Variants in XKR6 observed in about 807,000 individuals in gnomAD.
The protein encoded by XKR6 is XK related 6, also known as XK-related protein 6.
In XKR6, 22 loss-of-function variants were observed where a neutral mutation model predicts 56.7. That is an observed-to-expected ratio of 0.39 (90% confidence interval 0.28 to 0.55). XKR6 has a LOEUF of 0.55. Ranked by LOEUF, XKR6 falls within the 20% of genes least tolerant of loss-of-function variation. The probability of loss-of-function intolerance (pLI) is 0.66; values close to 1 mark genes in which losing one functional copy is unlikely to be tolerated. For synonymous variants in XKR6, 524 were observed against 387.8 expected (o/e 1.35, Z -4.13); for missense variants, 852 against 889.0 (o/e 0.96, Z 0.53).
intron 2 of XKR6, among the ~76,000 whole-genome samples, chr8:10,900,505 C>T (rs916272365): frequency 2.0e-5 from 3 of 152,224 alleles, no homozygotes; most frequent in Non-Finnish European, 4.4e-5. Context: ...AACCTGTTAA[C>T]TGTTACAATG....
At chr8:10,997,524 T>C (rs932391783) in intron 1 of XKR6, among the ~76,000 whole-genome samples, 1 of 151,766 alleles carries the variant, frequency 6.6e-6, no homozygotes, top group Non-Finnish European at 1.5e-5. Flanking sequence ...TAGGAAAAAA[T>C]GATTAAGATG....
At chr8:10,909,513 A>G (rs1299769190) in intron 2 of XKR6, among the ~76,000 whole-genome samples, 1 of 152,162 alleles carries the variant, frequency 6.6e-6, no homozygotes, top group African/African-American at 2.4e-5. Context: ...CTAAGGGCAG[A>G]GCAGGGATTT....
intron 1 of XKR6, among the ~76,000 whole-genome samples, chr8:10,976,200 C>T (rs947056569): frequency 8.6e-5 from 13 of 151,994 alleles, no homozygotes; most frequent in South Asian, 6.2e-4. Context: ...GTGCCCCCCC[C>T]CAACCTCGCC....
intron 1 of XKR6, among the ~76,000 whole-genome samples, chr8:11,079,635 T>A (rs925225591): frequency 2.0e-5 from 3 of 152,208 alleles, no homozygotes; most frequent in Non-Finnish European, 2.9e-5. Context: ...CTTGGAATTG[T>A]GTTAGAAAGA....
At chr8:10,908,044 T>G (rs904394403) in intron 2 of XKR6, among the ~76,000 whole-genome samples, 5 of 152,200 alleles carry the variant, frequency 3.3e-5, no homozygotes, top group African/African-American at 1.2e-4. Context: ...AGTCACTGAT[T>G]TTCAACGCCT....
intron 1 of XKR6, among the ~76,000 whole-genome samples, chr8:11,129,754 A>G (rs937329074): frequency 3.3e-5 from 5 of 152,236 alleles, no homozygotes; most frequent in Non-Finnish European, 7.3e-5. Flanking sequence ...TGTGGGAAGG[A>G]GGACAGGGAA....
At chr8:11,053,910 T>C (rs1157533142) in intron 1 of XKR6, among the ~76,000 whole-genome samples, 1 of 151,936 alleles carries the variant, frequency 6.6e-6, no homozygotes, top group East Asian at 1.9e-4. Context: ...GTATACGGAG[T>C]TTTCAGCCAT....
chr8:11,195,362 T>C (rs1206578264), intron 1 of XKR6: 1 of 587,628 alleles, frequency 1.7e-6, no homozygotes, highest in Non-Finnish European at 3.0e-6. Context: ...ACTGCTAATA[T>C]CATGTTAAAT....
intron 1 of XKR6, among the ~76,000 whole-genome samples, chr8:11,068,287 T>C (rs1400243687): frequency 2.6e-5 from 4 of 152,090 alleles, no homozygotes; most frequent in Non-Finnish European, 5.9e-5. Context: ...GGGGCGGCTA[T>C]GGTCATCTTG....
At chr8:10,915,158 T>C (rs544101880) in intron 2 of XKR6, among the ~76,000 whole-genome samples, 1 of 152,388 alleles carries the variant, frequency 6.6e-6, no homozygotes, top group Non-Finnish European at 1.5e-5. Flanking sequence ...GCTTTGTTTA[T>C]TGCCCATCTC....
chr8:10,898,513 G>C lies in XKR6; in HGVS notation c.1365C>G (p.Ala455=). 1 of 1,614,040 alleles carries C rather than the reference G, an allele frequency of 6.2e-7. No homozygotes were observed. Among genetic ancestry groups the C allele is most frequent in the Non-Finnish European group, 8.5e-7 (1 of 1,180,036 alleles). ...YYTIVLTENA[A]LTFLWYFYRD... is the part of the protein sequence containing the mutation. ...TGTAAAAATACCAAAGGAACGTCAAGGCAGCATTCTCGGTCAAGACTATCG... is the reference window on the plus strand; with the variant it reads ...TGTAAAAATACCAAAGGAACGTCAACGCAGCATTCTCGGTCAAGACTATCG... The change falls in exon 3 of 3, where the codon GCC becomes GCG. Residue 455 remains alanine (A), a synonymous_variant. Transcript: ENST00000416569. The surrounding 1 kb of genome is among the most constrained non-coding windows in gnomAD (Gnocchi z 6.6).
chr8:11,152,375 T>A (rs960920073), intron 1 of XKR6, among the ~76,000 whole-genome samples: 1 of 152,104 alleles, frequency 6.6e-6, no homozygotes, highest in East Asian at 1.9e-4. Context: ...CCAGTCAAGG[T>A]TGAACGCATT....
At chr8:11,103,736 C>G (rs1798573615) in intron 1 of XKR6, among the ~76,000 whole-genome samples, 1 of 152,180 alleles carries the variant, frequency 6.6e-6, no homozygotes, top group Non-Finnish European at 1.5e-5. Context: ...GGTACCCAGT[C>G]AAAAACTTGT....
intron 1 of XKR6, among the ~76,000 whole-genome samples, chr8:11,133,003 G>T (rs556092968): frequency 6.6e-6 from 1 of 152,084 alleles, no homozygotes; most frequent in African/African-American, 2.4e-5. Flanking sequence ...CAAAAATCTT[G>T]TAAGAAAAAT....
At chr8:10,957,091 C>T (rs1029086845) in intron 1 of XKR6, among the ~76,000 whole-genome samples, 3 of 152,180 alleles carry the variant, frequency 2.0e-5, no homozygotes, top group South Asian at 2.1e-4. Flanking sequence ...GCTGGGATTA[C>T]AGGCACGTGC....
chr8:10,991,898 C>A (rs1798001329), intron 1 of XKR6, among the ~76,000 whole-genome samples: 1 of 152,198 alleles, frequency 6.6e-6, no homozygotes, highest in South Asian at 2.1e-4. Flanking sequence ...ATGGGTAAAG[C>A]CTACTATAAA....
intron 1 of XKR6, among the ~76,000 whole-genome samples, chr8:11,024,033 A>G (rs1798804988): frequency 6.6e-6 from 1 of 152,196 alleles, no homozygotes. Context: ...ACGCAGCCCT[A>G]TACCAAAGAC....
In XKR6 at chr8:11,058,828, A is replaced by G. The variant is rs887355250; in HGVS notation, c.765-133998T>C. On this transcript the variant is annotated intron_variant, in intron 1 of 2. Transcript: ENST00000416569. ...TGTAACAAACCTGCATGTTCTGCAC[A>G]TGTATCCCAGAACTTAGTAAAATTT... 3.9e-5 allele frequency among the ~76,000 whole-genome samples: 6 copies of G among 152,230 alleles called. No individual in the cohort carries two copies. The East Asian group carries it at 5.8e-4, about 15-fold the overall frequency.
rs111399414 is a variant in XKR6 at position 11,153,816 on chromosome 8, A to T, written c.764+46760T>A. ...TCTCTTTCTTGCATATTTGCATCCA[A>T]CCCATCAACAGATCCTCATGCTCCT... On this transcript the variant is annotated intron_variant, in intron 1 of 2. Coordinates refer to ENST00000416569, the MANE Select transcript of XKR6 (RefSeq NM_173683.4). Among the ~76,000 whole-genome samples the T allele has an allele frequency of 5.5e-3, 838 of 152,214 alleles. 7 individuals carry two copies. The highest frequency in any genetic ancestry group is 0.019 in the African/African-American group (780 of 41,542).
Sources: allele counts gnomAD v4.1 joint callset (sites outside exome capture counted in the v4.1 genomes callset), GRCh38; gene constraint gnomAD v4.1.1; non-coding constraint Gnocchi (gnomAD v3.1); transcripts MANE v1.5; gene names NCBI Gene and HGNC (gene_info 2026-07-23, HGNC 2026-07-21).